EXOSC10: variants seen among roughly 807,000 people sequenced by gnomAD.
EXOSC10 encodes exosome complex component 10.
A neutral mutation model predicts 126.6 loss-of-function variants in EXOSC10; 94 were observed. The observed-to-expected ratio is 0.74, with a 90% CI of 0.63 to 0.88. The LOEUF is 0.88. EXOSC10 is among the 40% of genes least tolerant of loss of function. The pLI is 0.00. For missense variants in EXOSC10, 1,041 were observed against 1,100.5 expected (o/e 0.95, Z 0.77); for synonymous variants, 395 against 400.8 (o/e 0.99, Z 0.17).
rs192665283 is a variant in EXOSC10 at position 11,093,419 on chromosome 1, T to C, written c.373-1822A>G. ...AACAGAGGCACAACCAGGTGACACA[T>C]AGGATTATGGCAGGACTTGAAATCA... On this transcript the variant is annotated intron_variant, in intron 3 of 24. Transcript: ENST00000376936. Among the ~76,000 whole-genome samples the C allele has an allele frequency of 3.3e-5, 5 of 152,284 alleles. No homozygotes were observed. In the East Asian group the frequency reaches 5.8e-4, roughly 18 times the overall value.
intron 1 of EXOSC10, among the ~76,000 whole-genome samples, chr1:11,098,529 A>G (rs1641243089): frequency 6.6e-6 from 1 of 152,246 alleles, no homozygotes; most frequent in South Asian, 2.1e-4. Flanking sequence ...GGCCTGCACC[A>G]CAGAGTTTTT....
intron 9 of EXOSC10, among the ~76,000 whole-genome samples, chr1:11,086,460 T>C (rs1037565045): frequency 7.9e-5 from 12 of 152,330 alleles, no homozygotes; most frequent in Admixed American, 7.9e-4. Flanking sequence ...GTGGGATCAG[T>C]GGTGATATCC....
At chr1:11,097,364 C>T (rs1255844425) in intron 2 of EXOSC10, among the ~76,000 whole-genome samples, 2 of 150,658 alleles carry the variant, frequency 1.3e-5, no homozygotes, top group African/African-American at 4.9e-5. Flanking sequence ...GGTGATGGAG[C>T]GAGACTCCAT....
Position 11,091,085 on chromosome 1 carries a change from ATCT to A in EXOSC10, c.569_571del (p.Lys190del). The A allele has an allele frequency of 6.2e-7, 1 of 1,614,160 alleles. No homozygotes were observed. The highest frequency in any genetic ancestry group is 8.5e-7 in the Non-Finnish European group (1 of 1,180,012). On this transcript the variant is annotated inframe_deletion, in exon 5 of 25. Transcript: ENST00000376936. Reference sequence around the variant, plus strand: ...AAGAAATGGTGTGTTGGAATTGTCAATCTTCTCTCGAAACTTGAGCTGAGGTCG... The same window carrying A: ...AAGAAATGGTGTGTTGGAATTGTCAATCTCTCGAAACTTGAGCTGAGGTCG...
In EXOSC10 at chr1:11,080,563, A is replaced by ACACACACACAC. The variant is rs1553166014; in HGVS notation, c.1587-15_1587-14insGTGTGTGTGTG. 30 of 1,423,628 alleles carry ACACACACACAC rather than the reference A, an allele frequency of 2.1e-5. No individual in the cohort carries two copies. In the African/African-American group the frequency reaches 4.2e-4, roughly 20 times the overall value. The allele number at this position is 1,423,628 out of a possible 1,614,324, so 88.2% of individuals were successfully genotyped here. ...GGCAGTACATATCTGGAAAAAAAAA[A>ACACACACACAC]ACACACACACACACACACACACACA... On this transcript the variant is annotated splice_polypyrimidine_tract_variant and intron_variant, in intron 12 of 24. Transcript: ENST00000376936.
intron 20 of EXOSC10, 103 bp from the exon 21 acceptor site, chr1:11,071,076 G>A (rs542791353): frequency 1.5e-5 from 15 of 976,916 alleles, no homozygotes; most frequent in Admixed American, 6.3e-5. Flanking sequence ...GGGTTGTCAC[G>A]GCTGATTCCT....
intron 19 of EXOSC10, among the ~76,000 whole-genome samples, chr1:11,073,363 A>T (rs942976098): frequency 6.6e-6 from 1 of 151,896 alleles, no homozygotes; most frequent in Non-Finnish European, 1.5e-5. Flanking sequence ...CGATCTCCTG[A>T]CCTCATGATC....
chr1:11,091,495 T>C lies in EXOSC10; in HGVS notation c.475A>G (p.Lys159Glu). The C allele has an allele frequency of 6.2e-7, 1 of 1,613,756 alleles. No individual in the cohort carries two copies. Among genetic ancestry groups the C allele is most frequent in the Non-Finnish European group, 8.5e-7 (1 of 1,179,756 alleles). Reference sequence around the variant, plus strand: ...TAGTTAATCTGAAAAGCCCTCACCTTACGGTTCCAGCTGGACACTACCGTT... The same window carrying C: ...TAGTTAATCTGAAAAGCCCTCACCTCACGGTTCCAGCTGGACACTACCGTT... Reference protein sequence around the residue: ...PKTVVSSWNRKAAEYGKKAKS... With the variant: ...PKTVVSSWNREAAEYGKKAKS... Residue 159 changes from lysine to glutamate, a missense_variant and splice_region_variant, in exon 4 of 25, where the codon AAG becomes GAG. Transcript: ENST00000376936.
rs368062216 is a variant in EXOSC10 at position 11,074,413 on chromosome 1, A to ATTTT, written c.1987-91_1987-88dup. 622 of 742,910 alleles carry ATTTT rather than the reference A, an allele frequency of 8.4e-4. 6 individuals carry two copies. Among genetic ancestry groups the ATTTT allele is most frequent in the African/African-American group, 7.4e-3 (399 of 54,102 alleles). The allele number at this position is 742,910 out of a possible 1,614,324, so 46.0% of individuals were successfully genotyped here. On this transcript the variant is annotated intron_variant, in intron 17 of 24. Transcript: ENST00000376936. ...AGCAAGAGAGCAACAGTTAACAGTG[A>ATTTT]TTTTTTTTTTTTTTCTGGAGACAGA...
At chr1:11,076,971 G>A in intron 16 of EXOSC10, 23 bp from the exon 17 acceptor site, 3 of 1,565,506 alleles carry the variant, frequency 1.9e-6, no homozygotes, top group Non-Finnish European at 8.8e-7. Flanking sequence ...AAGATAGTAA[G>A]GTCAAAGCCT....
intron 13 of EXOSC10, 79 bp downstream of exon 13, chr1:11,080,420 G>A: frequency 6.4e-7 from 1 of 1,562,100 alleles, no homozygotes; most frequent in Non-Finnish European, 8.8e-7. Context: ...TTGGGTAATA[G>A]CAACCAGAAA....
At chr1:11,082,901 G>A in intron 9 of EXOSC10, 23 bp from the exon 10 acceptor site, 2 of 1,587,854 alleles carry the variant, frequency 1.3e-6, no homozygotes, top group Non-Finnish European at 1.7e-6. Flanking sequence ...CCAAAGTCAT[G>A]CAGTACACTG....
chr1:11,076,742 C>G (rs1300512786), intron 17 of EXOSC10, 100 bp downstream of exon 17: 4 of 928,764 alleles, frequency 4.3e-6, no homozygotes, highest in Non-Finnish European at 6.8e-6. Context: ...CAGCATTAGT[C>G]TCCGAGTGTA....
At position 11,069,574 on chromosome 1, in the gene EXOSC10, A is replaced by C. The variant is rs192611779; in HGVS notation, c.2473T>G (p.Phe825Val). Residue 825 changes from phenylalanine to valine, a missense_variant, in exon 22 of 25, where the codon TTC (phenylalanine) becomes GTC (valine). Transcript: ENST00000376936. ...ACTTCCTCACCAGCAAAAGCCTTGA[A>C]GTCTGACTGGCTGTAGTCGTAAGGC... ...FTPYDYSQSD[F>V]KAFAGNSKSK... 9.3e-6 allele frequency: 15 copies of C among 1,613,200 alleles called. No homozygotes were observed. Among genetic ancestry groups the C allele is most frequent in the Non-Finnish European group, 1.3e-5 (15 of 1,179,864 alleles).
At chr1:11,087,389 G>C in intron 9 of EXOSC10, 59 bp downstream of exon 9, 1 of 1,599,336 alleles carries the variant, frequency 6.3e-7, no homozygotes, top group South Asian at 1.1e-5. Flanking sequence ...ATAGTACACT[G>C]AAAAGCACTA....
At chr1:11,089,820 T>C (rs1158852839) in intron 6 of EXOSC10, among the ~76,000 whole-genome samples, 1 of 150,300 alleles carries the variant, frequency 6.7e-6, no homozygotes, top group Non-Finnish European at 1.5e-5. Flanking sequence ...GGCTCATGCC[T>C]GTGGTCACAG....
chr1:11,077,796 G>A (rs1257084067), intron 14 of EXOSC10, 145 bp from the exon 15 acceptor site: 12 of 637,258 alleles, frequency 1.9e-5, no homozygotes, highest in Non-Finnish European at 3.3e-5. Context: ...TCCTTACAGT[G>A]CCTGGCATGA....
At chr1:11,091,279 AG>A in intron 4 of EXOSC10, 100 bp from the exon 5 acceptor site, 1 of 1,190,286 alleles carries the variant, frequency 8.4e-7, no homozygotes, top group Non-Finnish European at 1.2e-6. Flanking sequence ...AACATCGCAA[AG>A]GTCATTCATT....
intron 9 of EXOSC10, among the ~76,000 whole-genome samples, chr1:11,085,154 A>C (rs550241602): frequency 1.3e-5 from 2 of 152,252 alleles, no homozygotes; most frequent in East Asian, 3.9e-4. Flanking sequence ...GTTTTTTCCA[A>C]TTCTGTGAAG....
Sources: gnomAD v4.1 joint callset for allele counts (sites outside exome capture counted in the v4.1 genomes callset) on GRCh38, gnomAD v4.1.1 for gene constraint, MANE v1.5 for transcripts, NCBI Gene and HGNC (gene_info 2026-07-23, HGNC 2026-07-21) for gene names.